The following IPP variants were observed in gnomAD, a reference collection of about 807,000 sequenced individuals.
IPP encodes intracisternal A particle-promoted polypeptide, also known as actin-binding protein IPP.
A neutral mutation model predicts 64.1 loss-of-function variants in IPP; 41 were observed. That is an observed-to-expected ratio of 0.64 (90% CI 0.50 to 0.83). IPP has a LOEUF of 0.83. Ranked by LOEUF, IPP falls within the 40% of genes least tolerant of loss-of-function variation. IPP has a pLI of 0.00. For synonymous variants in IPP, 214 were observed against 235.2 expected, an observed-to-expected ratio of 0.91 and a Z score of 0.83; for missense variants, 649 against 703.0, an observed-to-expected ratio of 0.92 and a Z score of 0.87.
rs140212891 is a variant in IPP, at chr1:45,714,270, A to G, written c.1506T>C (p.Thr502=). 6.3e-4 allele frequency: 1,009 copies of G among 1,613,308 alleles called. 13 individuals carry two copies. In the Admixed American group the frequency reaches 0.016, roughly 26 times the overall value. Residue 502 remains threonine (T), a synonymous_variant, in exon 8 of 9, where the codon ACT becomes ACC. Coordinates refer to ENST00000396478, the MANE Select transcript of IPP (RefSeq NM_005897.3). ...GWNETQDALH[T]VEKYSFEEEK... is the part of the protein sequence containing the mutation. ...CCTCTTCAAAGGAATATTTTTCTAC[A>G]GTATGAAGAGCATCTTGGGTCTCAT...
intron 1 of IPP, 46 bp from the exon 2 acceptor site, chr1:45,746,507 C>T (rs574183064): frequency 2.3e-6 from 2 of 861,942 alleles, no homozygotes; most frequent in East Asian, 2.5e-5. Flanking sequence ...ATTTTTTTAA[C>T]ATGCTTTCTA....
At chr1:45,728,657 G>A (rs1645865141) in intron 4 of IPP, among the ~76,000 whole-genome samples, 1 of 151,770 alleles carries the variant, frequency 6.6e-6, no homozygotes, top group South Asian at 2.1e-4. Context: ...ACCACACCAA[G>A]CTAATTTCTG....
intron 8 of IPP, among the ~76,000 whole-genome samples, chr1:45,712,392 G>T (rs1445639884): frequency 6.6e-6 from 1 of 151,170 alleles, no homozygotes; most frequent in Non-Finnish European, 1.5e-5. Context: ...AGATGTACAT[G>T]ACGTATTAAT....
chr1:45,729,791 C>A, intron 3 of IPP, 22 bp from the exon 4 acceptor site: 1 of 1,416,446 alleles, frequency 7.1e-7, no homozygotes, highest in Non-Finnish European at 9.6e-7. Flanking sequence ...TTTAAAAAGA[C>A]AATGTTTTAA....
At chr1:45,719,160 C>T (rs1453317212) in intron 6 of IPP, 43 bp downstream of exon 6, 1 of 1,594,226 alleles carries the variant, frequency 6.3e-7, no homozygotes, top group African/African-American at 1.4e-5. Context: ...ATTAAAAATA[C>T]ATAAACAATA....
chr1:45,729,878 A>G, intron 3 of IPP, 109 bp from the exon 4 acceptor site: 1 of 659,592 alleles, frequency 1.5e-6, no homozygotes, highest in Non-Finnish European at 2.5e-6. Flanking sequence ...ATAAAAAATC[A>G]TCATCAAACA....
At chr1:45,728,173 T>TGTG in intron 4 of IPP, among the ~76,000 whole-genome samples, 1 of 142,316 alleles carries the variant, frequency 7.0e-6, no homozygotes. Context: ...TGTGTGTGTG[T>TGTG]TTGAGGCAGG....
rs141286457 is a variant in IPP, at chr1:45,703,565, A to G, written c.1531-3375T>C. On this transcript the variant is annotated intron_variant, in intron 8 of 8. Transcript: ENST00000396478. ...CAAGTGAATTTGAGAGACTTGACAT[A>G]AAGATTCATAAAGTACATTATTGTA... is the stretch of plus-strand genomic sequence containing the variant. 3.3e-5 allele frequency among the ~76,000 whole-genome samples: 5 copies of G among 151,944 alleles called. No homozygotes were observed. The East Asian group carries it at 5.9e-4, about 18-fold the overall frequency.
intron 8 of IPP, among the ~76,000 whole-genome samples, chr1:45,711,949 C>T (rs1382371849): frequency 6.6e-6 from 1 of 152,068 alleles, no homozygotes; most frequent in African/African-American, 2.4e-5. Flanking sequence ...GACATTCCAA[C>T]ACTCCTTTTT....
intron 3 of IPP, among the ~76,000 whole-genome samples, chr1:45,740,379 T>C (rs1243329231): frequency 2.0e-5 from 3 of 152,156 alleles, no homozygotes; most frequent in Non-Finnish European, 2.9e-5. Context: ...GAGGGGCTCC[T>C]CACTTCCCAG....
At chr1:45,717,472 C>A (rs1400918492) in intron 6 of IPP, among the ~76,000 whole-genome samples, 1 of 151,878 alleles carries the variant, frequency 6.6e-6, no homozygotes, top group Non-Finnish European at 1.5e-5. Flanking sequence ...CAAAAAGGCC[C>A]CTTATCCCCA....
chr1:45,722,528 G>A (rs1252307641), intron 5 of IPP, among the ~76,000 whole-genome samples: 1 of 151,898 alleles, frequency 6.6e-6, no homozygotes, highest in Non-Finnish European at 1.5e-5. Context: ...CTGGGCAACA[G>A]AGCGAGACTC....
chr1:45,729,022 T>C (rs775180146), intron 4 of IPP, among the ~76,000 whole-genome samples: 12 of 151,216 alleles, frequency 7.9e-5, no homozygotes, highest in Non-Finnish European at 1.5e-4. Flanking sequence ...GGCGCATGCC[T>C]GTAGTCCCAG....
chr1:45,699,116 C>G lies in IPP; in HGVS notation c.*850G>C. 2.0e-6 allele frequency: 2 copies of G among 985,290 alleles called. No homozygotes were observed. Among genetic ancestry groups the G allele is most frequent in the South Asian group, 4.7e-5 (1 of 21,284 alleles). The allele number at this position is 985,290 out of a possible 1,614,324, so 61.0% of individuals were successfully genotyped here. On this transcript the variant is annotated 3_prime_UTR_variant, in exon 9 of 9. Coordinates refer to ENST00000396478, the MANE Select transcript of IPP (RefSeq NM_005897.3). ...GGTCACTAAGAACCTCCTATTAATTCCTTACTTGCATTCTCAGGATCAAGA... is the reference window on the plus strand; with the variant it reads ...GGTCACTAAGAACCTCCTATTAATTGCTTACTTGCATTCTCAGGATCAAGA...
chr1:45,740,478 G>T (rs1053818519), intron 3 of IPP, among the ~76,000 whole-genome samples: 2 of 151,894 alleles, frequency 1.3e-5, no homozygotes, highest in African/African-American at 4.8e-5. Context: ...CCTCCCGAAC[G>T]GGGCGGCTGG....
rs1645409654 is a variant in IPP at position 45,698,711 on chromosome 1, T to C, written c.*1255A>G. ...CAATCTAGCAAAAAAGGAAGAATTT[T>C]TTTTTCTTTTTTTTTTTTTTTTTTT... On this transcript the variant is annotated 3_prime_UTR_variant, in exon 9 of 9. Transcript: ENST00000396478. The C allele has an allele frequency of 1.7e-5, 13 of 748,882 alleles. No homozygotes were observed. Among genetic ancestry groups the C allele is most frequent in the Non-Finnish European group, 2.0e-5 (13 of 666,496 alleles). The allele number at this position is 748,882 out of a possible 1,614,324, so 46.4% of individuals were successfully genotyped here. A position where few individuals can be genotyped will look rare whatever the true frequency, so the allele number is the denominator to read the frequency against.
intron 4 of IPP, 97 bp downstream of exon 4, chr1:45,729,517 C>T: frequency 1.1e-6 from 1 of 895,670 alleles, no homozygotes; most frequent in Non-Finnish European, 1.8e-6. Context: ...AACACACCCA[C>T]ATATTCTGAC....
chr1:45,700,583 C>T (rs1193954989), intron 8 of IPP, among the ~76,000 whole-genome samples: 1 of 151,992 alleles, frequency 6.6e-6, no homozygotes, highest in African/African-American at 2.4e-5. Flanking sequence ...AGTGATTGTC[C>T]CACCTCAGCC....
chr1:45,712,878 AAT>A lies in IPP; in HGVS notation c.1530+1366_1530+1367del, dbSNP rs1553189323. Among the ~76,000 whole-genome samples, 638 of 138,650 alleles carry A rather than the reference AAT, an allele frequency of 4.6e-3. 3 individuals are homozygous for A. Among genetic ancestry groups the A allele is most frequent in the African/African-American group, 0.016 (573 of 36,832 alleles). 91.0% of individuals were successfully genotyped at this position (138,650 alleles called of 152,430 possible). A position where few individuals can be genotyped will look rare whatever the true frequency, so the allele number is the denominator to read the frequency against. On this transcript the variant is annotated intron_variant, in intron 8 of 8. Transcript: ENST00000396478. The stretch of plus-strand genomic sequence containing the variant: ...CAAAAAAAAAAAGAAAAAAAAAAAA[AAT>A]ATATATATATATACACACCATCCGC...
Sources: allele counts gnomAD v4.1 joint callset (sites outside exome capture counted in the v4.1 genomes callset), GRCh38; gene constraint gnomAD v4.1.1; transcripts MANE v1.5; gene names NCBI Gene and HGNC (gene_info 2026-07-23, HGNC 2026-07-21).